Variants in GNPNAT1 observed in about 807,000 individuals in gnomAD.
The protein encoded by GNPNAT1 is glucosamine-phosphate N-acetyltransferase 1, also known as glucosamine 6-phosphate N-acetyltransferase.
In GNPNAT1, 11 loss-of-function variants were observed where a neutral mutation model predicts 19.8. The observed-to-expected ratio is 0.56, with a 90% CI of 0.35 to 0.92. The LOEUF is 0.92. Ranked by LOEUF, GNPNAT1 falls within the 40% of genes least tolerant of loss-of-function variation. The pLI is 0.01. For missense variants in GNPNAT1, 157 were observed against 211.0 expected (o/e 0.74, Z 1.59); for synonymous variants, 71 against 72.3 (o/e 0.98, Z 0.09).
intron 1 of GNPNAT1, among the ~76,000 whole-genome samples, chr14:52,789,966 T>C (rs1425919875): frequency 7.1e-6 from 1 of 141,744 alleles, no homozygotes; most frequent in African/African-American, 2.7e-5. Flanking sequence ...GTAGGTCACA[T>C]TTCAGAAAAT....
Position 52,780,757 on chromosome 14 carries a change from T to C in GNPNAT1, c.346-17A>G. 6.6e-7 allele frequency: 1 copy of C among 1,504,228 alleles called. No individual in the cohort carries two copies. The highest frequency in any genetic ancestry group is 9.2e-7 in the Non-Finnish European group (1 of 1,082,622). The allele number at this position is 1,504,228 out of a possible 1,614,324, so 93.2% of individuals were successfully genotyped here. On this transcript the variant is annotated splice_polypyrimidine_tract_variant and intron_variant, in intron 4 of 5. Transcript: ENST00000216410. ...TCTTCCTCTCTGAAAATATTTACAA[T>C]GTTTAAAGGAGTAAGCATTTACTTT...
chr14:52,791,480 C>G lies in GNPNAT1; in HGVS notation c.-67G>C, dbSNP rs1008718771. On this transcript the variant is annotated 5_prime_UTR_variant, in exon 1 of 6. Transcript: ENST00000216410. The surrounding 1 kb of genome is among the most constrained non-coding windows in gnomAD (Gnocchi z 4.1). ...TAGCCAGGCGCGTCGGACTCTCCCC[C>G]ACCAGTGTGCACAGCACCGGATCCG... The G allele has an allele frequency of 2.0e-5, 3 of 152,470 alleles. No homozygotes were observed. The highest frequency in any genetic ancestry group is 6.5e-5 in the Admixed American group (1 of 15,288). 9.4% of individuals were successfully genotyped at this position (152,470 alleles called of 1,614,324 possible). A position where few individuals can be genotyped will look rare whatever the true frequency, so the allele number is the denominator to read the frequency against.
At chr14:52,780,312 T>G (rs1453731493) in intron 5 of GNPNAT1, among the ~76,000 whole-genome samples, 1 of 152,348 alleles carries the variant, frequency 6.6e-6, no homozygotes, top group Middle Eastern at 3.4e-3. Context: ...CTACAACTTA[T>G]GAGAATGAGA....
chr14:52,779,750 A>AAAT (rs398025082), intron 5 of GNPNAT1, among the ~76,000 whole-genome samples: 3 of 150,600 alleles, frequency 2.0e-5, no homozygotes, highest in African/African-American at 7.3e-5. Flanking sequence ...AAAAAAAAAA[A>AAAT]CATAAATTAT....
chr14:52,786,074 T>TC (rs1196176097), intron 1 of GNPNAT1, among the ~76,000 whole-genome samples: 4 of 150,680 alleles, frequency 2.7e-5, no homozygotes, highest in African/African-American at 9.7e-5. Context: ...TTTTTTTTTT[T>TC]CAATGAACCA....
intron 1 of GNPNAT1, among the ~76,000 whole-genome samples, chr14:52,790,594 G>A (rs1016447533): frequency 6.6e-6 from 1 of 152,208 alleles, no homozygotes. Context: ...AACACAGCAA[G>A]TAAGTGACTT....
intron 1 of GNPNAT1, among the ~76,000 whole-genome samples, chr14:52,786,657 G>A (rs1345596954): frequency 6.6e-6 from 1 of 151,978 alleles, no homozygotes; most frequent in African/African-American, 2.4e-5. Context: ...CTCACTAGTT[G>A]TAATGTTTTA....
At position 52,791,174 on chromosome 14, in the gene GNPNAT1, A is replaced by C. The variant is rs1883165711; in HGVS notation, c.-15+254T>G. On this transcript the variant is annotated intron_variant, in intron 1 of 5. Coordinates refer to ENST00000216410, the MANE Select transcript of GNPNAT1 (RefSeq NM_198066.4). The surrounding 1 kb of genome is among the most constrained non-coding windows in gnomAD (Gnocchi z 4.1). ...GTTCCAGCCCTGCCAGGCCAAGACC[A>C]GCGTATGGCCGGACCGCTGGCCATC... 6.6e-6 allele frequency among the ~76,000 whole-genome samples: 1 copy of C among 152,182 alleles called. No homozygotes were observed. The highest frequency in any genetic ancestry group is 6.5e-5 in the Admixed American group (1 of 15,290).
In GNPNAT1 at chr14:52,780,680, AT is replaced by A. The variant is rs1882873177; in HGVS notation, c.405del (p.Lys135AsnfsTer10). 1 of 1,599,216 alleles carries A rather than the reference AT, an allele frequency of 6.3e-7. No individual in the cohort carries two copies. Among genetic ancestry groups the A allele is most frequent in the Non-Finnish European group, 8.6e-7 (1 of 1,167,532 alleles). On this transcript the variant is annotated frameshift_variant and splice_region_variant, in exon 5 of 6. Coordinates refer to ENST00000216410, the MANE Select transcript of GNPNAT1 (RefSeq NM_198066.4). LOFTEE classifies it high-confidence loss of function. Reference protein sequence around the residue: ...SDECRGKQLGKLLLSTLTLLS... With the variant: ...SDECRGKQLGXLLLSTLTLLS... ...GTTACCTTGTTTCTGCCTACTTACA[AT>A]TTGCCAAGCTGCTTTCCTCTGCATT... is the stretch of plus-strand genomic sequence containing the variant.
chr14:52,781,868 T>G lies in GNPNAT1; in HGVS notation c.261A>C (p.Thr87=). The change falls in exon 4 of 6, where the codon ACA becomes ACC. Residue 87 remains threonine, a synonymous_variant. Coordinates refer to ENST00000216410, the MANE Select transcript of GNPNAT1 (RefSeq NM_198066.4). ...HMKKSGDYYV[T]VVEDVTLGQI... is the part of the protein sequence containing the mutation. ...GTCCTAGAGTCACATCTTCTACAAC[T>G]GTAACATAATAATCCCCAGATTTCT... 1 of 1,608,314 alleles carries G rather than the reference T, an allele frequency of 6.2e-7. No individual in the cohort carries two copies. The highest frequency in any genetic ancestry group is 8.5e-7 in the Non-Finnish European group (1 of 1,177,648).
chr14:52,783,557 T>A, intron 2 of GNPNAT1, 72 bp from the exon 3 acceptor site: 1 of 962,164 alleles, frequency 1.0e-6, no homozygotes, highest in Non-Finnish European at 1.7e-6. Flanking sequence ...AGCAATATAT[T>A]AAGCAGGTGG....
chr14:52,784,777 G>A (rs983774918), intron 1 of GNPNAT1, 113 bp from the exon 2 acceptor site: 7 of 452,216 alleles, frequency 1.5e-5, no homozygotes, highest in African/African-American at 1.0e-4. Context: ...GCACATATGC[G>A]AGATATTTTA....
At position 52,778,476 on chromosome 14, in the gene GNPNAT1, G is replaced by C. The variant is rs757966422; in HGVS notation, c.408-18C>G. 3 of 1,591,394 alleles carry C rather than the reference G, an allele frequency of 1.9e-6. No homozygotes were observed. The South Asian group carries it at 3.4e-5, about 18-fold the overall frequency. ...ATAATAACCTGAAATTTAAAAAGGG[G>C]GTAGGGTGAGGAGATAGCATTTATT... On this transcript the variant is annotated intron_variant, in intron 5 of 5. Transcript: ENST00000216410.
chr14:52,789,329 CTAGAG>C (rs1365665703), intron 1 of GNPNAT1, among the ~76,000 whole-genome samples: 5 of 152,108 alleles, frequency 3.3e-5, no homozygotes, highest in Non-Finnish European at 4.4e-5. Context: ...TGAAGATGCA[CTAGAG>C]TAGATAAATT....
At chr14:52,782,680 A>AGAAG (rs1882921039) in intron 3 of GNPNAT1, among the ~76,000 whole-genome samples, 1 of 107,032 alleles carries the variant, frequency 9.3e-6, no homozygotes, top group Non-Finnish European at 2.0e-5. Flanking sequence ...TAAAATGGGA[A>AGAAG]AAAGAAATTC....
intron 1 of GNPNAT1, among the ~76,000 whole-genome samples, chr14:52,787,619 A>T (rs1208551844): frequency 6.6e-6 from 1 of 152,078 alleles, no homozygotes; most frequent in Non-Finnish European, 1.5e-5. Context: ...TTCAAATGTC[A>T]ACTGTGTGAT....
At position 52,778,413 on chromosome 14, in the gene GNPNAT1, G is replaced by C. The variant is rs766737565; in HGVS notation, c.453C>G (p.Tyr151Ter). The change falls in exon 6 of 6, where the codon TAC becomes TAG. Residue 151 changes from tyrosine (Y) to a stop codon, truncating the protein, a stop_gained. Coordinates refer to ENST00000216410, the MANE Select transcript of GNPNAT1 (RefSeq NM_198066.4). LOFTEE classifies it high-confidence loss of function. ...LTLLSKKLNCYKITLECLPQN... is the reference protein window; with the variant it reads ...LTLLSKKLNC ...GTGGTAGACATTCAAGGGTAATCTT[G>C]TAACAGTTCAGTTTCTTGCTTAGCA... The C allele has an allele frequency of 6.2e-7, 1 of 1,609,952 alleles. No individual in the cohort carries two copies. Among genetic ancestry groups the C allele is most frequent in the Non-Finnish European group, 8.5e-7 (1 of 1,178,512 alleles).
At chr14:52,790,982 C>G (rs1263392407) in intron 1 of GNPNAT1, among the ~76,000 whole-genome samples, 1 of 152,152 alleles carries the variant, frequency 6.6e-6, no homozygotes, top group Non-Finnish European at 1.5e-5. Flanking sequence ...GTCTTCGGAG[C>G]AGCTGCCTCA....
chr14:52,786,356 TAGCC>T (rs1175503595), intron 1 of GNPNAT1, among the ~76,000 whole-genome samples: 1 of 151,630 alleles, frequency 6.6e-6, no homozygotes, highest in Non-Finnish European at 1.5e-5. Flanking sequence ...AATACAAAAT[TAGCC>T]AGGTGTGGTG....
Sources: gnomAD v4.1 joint callset for allele counts (sites outside exome capture counted in the v4.1 genomes callset) on GRCh38, gnomAD v4.1.1 for gene constraint, Gnocchi (gnomAD v3.1) non-coding constraint, MANE v1.5 for transcripts, NCBI Gene and HGNC (gene_info 2026-07-23, HGNC 2026-07-21) for gene names.